OPCML: variants seen among roughly 807,000 people sequenced by gnomAD.
OPCML encodes opioid-binding protein/cell adhesion molecule.
In OPCML, 13 loss-of-function variants were observed where a neutral mutation model predicts 37.8. The ratio of observed to expected loss-of-function variants is 0.34; its 90% CI spans 0.22 to 0.55. OPCML has a LOEUF of 0.55. Ranked by LOEUF, OPCML falls within the 20% of genes least tolerant of loss-of-function variation. The pLI is 0.91. For missense variants in OPCML, 341 were observed against 435.6 expected (o/e 0.78, Z 1.93); for synonymous variants, 176 against 168.8 (o/e 1.04, Z -0.33).
chr11:133,171,014 A>G (rs1269277347), intron 1 of OPCML, among the ~76,000 whole-genome samples: 1 of 152,234 alleles, frequency 6.6e-6, no homozygotes, highest in Non-Finnish European at 1.5e-5. Flanking sequence ...GACTGTAGGA[A>G]TGAGGCTCAG....
At chr11:133,139,198 C>T (rs188139096) in intron 1 of OPCML, among the ~76,000 whole-genome samples, 71 of 152,300 alleles carry the variant, frequency 4.7e-4, no homozygotes, top group Non-Finnish European at 5.1e-4. Context: ...AACAATTGAA[C>T]TATATAAATC....
rs1466185838 is a variant in OPCML, at chr11:132,943,995, G to C, written c.62-985C>G. Among the ~76,000 whole-genome samples, 2 of 151,862 alleles carry C rather than the reference G, an allele frequency of 1.3e-5. No homozygotes were observed. Among genetic ancestry groups the C allele is most frequent in the Non-Finnish European group, 2.9e-5 (2 of 67,884 alleles). ...CTTTCTCCCGGTGCCGCCTCGGAGC[G>C]AGCGGGCTGGCGGGCGGCGCGGACT... On this transcript the variant is annotated intron_variant, in intron 1 of 7. Coordinates refer to ENST00000524381, the MANE Select transcript of OPCML (RefSeq NM_001012393.5). This position sits in a 1 kb window ranked among gnomAD's most constrained non-coding sequence, Gnocchi z 4.3.
At chr11:133,465,455 T>C (rs1946953432) in intron 1 of OPCML, among the ~76,000 whole-genome samples, 1 of 152,188 alleles carries the variant, frequency 6.6e-6, no homozygotes, top group Non-Finnish European at 1.5e-5. Flanking sequence ...TATCACTATG[T>C]GTGTAGATGA....
intron 1 of OPCML, among the ~76,000 whole-genome samples, chr11:132,961,133 G>T (rs778025696): frequency 6.6e-6 from 1 of 152,126 alleles, no homozygotes; most frequent in Non-Finnish European, 1.5e-5. Flanking sequence ...CTAATAAATA[G>T]TGCTGGGCAG....
At chr11:132,453,160 AT>A (rs1209589003) in intron 4 of OPCML, among the ~76,000 whole-genome samples, 7 of 152,158 alleles carry the variant, frequency 4.6e-5, no homozygotes, top group Admixed American at 4.6e-4. Context: ...TTATCTTCGC[AT>A]TTGTCATGTT....
intron 3 of OPCML, among the ~76,000 whole-genome samples, chr11:132,589,755 AG>A (rs137984449): frequency 0.015 from 2,289 of 152,318 alleles, 89 homozygotes; most frequent in East Asian, 0.054. Context: ...ACTGGAGCAT[AG>A]TTAAGAAGAC....
At chr11:132,549,151 C>T (rs543124567) in intron 3 of OPCML, among the ~76,000 whole-genome samples, 62 of 152,246 alleles carry the variant, frequency 4.1e-4, no homozygotes, top group African/African-American at 1.4e-3. Flanking sequence ...AGACGCCGGC[C>T]AAAACTCACC....
At chr11:132,500,486 C>A (rs1228610341) in intron 4 of OPCML, among the ~76,000 whole-genome samples, 1 of 152,168 alleles carries the variant, frequency 6.6e-6, no homozygotes, top group Non-Finnish European at 1.5e-5. Flanking sequence ...GGCATTGAAG[C>A]AGTTGTCCAT....
chr11:133,286,159 G>C (rs986597495), intron 1 of OPCML, among the ~76,000 whole-genome samples: 1 of 152,052 alleles, frequency 6.6e-6, no homozygotes, highest in Non-Finnish European at 1.5e-5. Context: ...CTGTGGAAAA[G>C]TATTCACCTT....
intron 1 of OPCML, among the ~76,000 whole-genome samples, chr11:133,267,765 C>T (rs1592153173): frequency 6.6e-6 from 1 of 152,098 alleles, no homozygotes; most frequent in Non-Finnish European, 1.5e-5. Flanking sequence ...GTGCTGTTCT[C>T]GAGATAGTGA....
chr11:133,028,646 G>T (rs778636374), intron 1 of OPCML, among the ~76,000 whole-genome samples: 13 of 150,852 alleles, frequency 8.6e-5, no homozygotes, highest in Admixed American at 1.3e-4. Context: ...CATTTGTCTG[G>T]CAACCATATG....
chr11:132,882,688 C>G (rs1201788005), intron 2 of OPCML, among the ~76,000 whole-genome samples: 1 of 152,084 alleles, frequency 6.6e-6, no homozygotes, highest in Admixed American at 6.6e-5. Context: ...GGAAAACTGA[C>G]TGAGAGAGTG....
chr11:132,758,825 T>A (rs1399369648), intron 2 of OPCML, among the ~76,000 whole-genome samples: 1 of 152,194 alleles, frequency 6.6e-6, no homozygotes, highest in East Asian at 1.9e-4. Context: ...TGGCCAGAAC[T>A]TCCAATACTA....
chr11:133,506,453 C>T (rs562642779), intron 1 of OPCML, among the ~76,000 whole-genome samples: 1 of 152,292 alleles, frequency 6.6e-6, no homozygotes, highest in African/African-American at 2.4e-5. Flanking sequence ...TCACTAATCC[C>T]CAAAAGCTTC....
At chr11:133,435,823 C>G (rs1320545150) in intron 1 of OPCML, among the ~76,000 whole-genome samples, 2 of 152,212 alleles carry the variant, frequency 1.3e-5, no homozygotes, top group Non-Finnish European at 2.9e-5. Flanking sequence ...CATTTCCACT[C>G]TAGCCCCACC....
chr11:132,696,521 A>C lies in OPCML; in HGVS notation c.147-39202T>G, dbSNP rs189828397. On this transcript the variant is annotated intron_variant, in intron 2 of 7. Transcript: ENST00000524381. ...TACTATACCAATAAGATAAATAAATAGATACTATGTAGAAGTAATTGTCAG... is the reference window on the plus strand; with the variant it reads ...TACTATACCAATAAGATAAATAAATCGATACTATGTAGAAGTAATTGTCAG... Among the ~76,000 whole-genome samples, 154 of 152,192 alleles carry C rather than the reference A, an allele frequency of 1.0e-3. 1 individual carries two copies. The highest frequency in any genetic ancestry group is 3.5e-3 in the African/African-American group (146 of 41,584).
rs56882175 is a variant in OPCML at position 132,975,529 on chromosome 11, C to CAAAAAAAA, written c.62-32527_62-32520dup. Among the ~76,000 whole-genome samples the CAAAAAAAA allele has an allele frequency of 4.0e-4, 17 of 42,798 alleles. 1 individual carries two copies. The highest frequency in any genetic ancestry group is 4.7e-4 in the Non-Finnish European group (11 of 23,464). 28.1% of individuals were successfully genotyped at this position (42,798 alleles called of 152,430 possible). ...CTGGATGTCCCATCCAGGTTTCAAG[C>CAAAAAAAA]AAAAAAAAAAAAAAAAAAAAAAAAA... On this transcript the variant is annotated intron_variant, in intron 1 of 7. Transcript: ENST00000524381.
intron 1 of OPCML, among the ~76,000 whole-genome samples, chr11:133,432,594 G>T (rs1328630155): frequency 6.6e-6 from 1 of 152,122 alleles, no homozygotes; most frequent in Non-Finnish European, 1.5e-5. Flanking sequence ...TATGAATTTT[G>T]TGTTAAATCT....
chr11:132,897,707 G>A (rs530743596), intron 2 of OPCML, among the ~76,000 whole-genome samples: 20 of 152,294 alleles, frequency 1.3e-4, no homozygotes, highest in Non-Finnish European at 2.8e-4. Flanking sequence ...AATCTCAAGC[G>A]GCAGAATTTG....
Sources: gnomAD v4.1 joint callset for allele counts (sites outside exome capture counted in the v4.1 genomes callset) on GRCh38, gnomAD v4.1.1 for gene constraint, Gnocchi (gnomAD v3.1) non-coding constraint, MANE v1.5 for transcripts, NCBI Gene and HGNC (gene_info 2026-07-23, HGNC 2026-07-21) for gene names.